Variants in PDE1C observed in about 807,000 individuals in gnomAD.
PDE1C encodes dual specificity calcium/calmodulin-dependent 3',5'-cyclic nucleotide phosphodiesterase 1C.
PDE1C carries 62 observed loss-of-function variants against 93.1 expected under a neutral mutation model. That is an observed-to-expected ratio of 0.67 (90% CI 0.54 to 0.82). PDE1C has a LOEUF of 0.82. PDE1C is among the 40% of genes least tolerant of loss of function. The pLI, the probability that PDE1C is intolerant of heterozygous loss-of-function variation, is 0.00. For synonymous variants in PDE1C, 325 were observed against 310.1 expected, an observed-to-expected ratio of 1.05 and a Z score of -0.50; for missense variants, 742 against 884.6, an observed-to-expected ratio of 0.84 and a Z score of 2.04.
At chr7:31,652,188 G>T in the PDE1C span, 6 of 754,554 alleles carry the variant, frequency 8.0e-6, no homozygotes, top group East Asian at 1.6e-4. Context: ...ATACAGAGAA[G>T]TACTTTGGTT....
chr7:31,976,975 C>T (rs1249728954), intron 2 of PDE1C, among the ~76,000 whole-genome samples: 1 of 152,164 alleles, frequency 6.6e-6, no homozygotes, highest in Non-Finnish European at 1.5e-5. Context: ...ACTTTCAGGA[C>T]CCATCCCAGA....
At chr7:31,831,479 C>CACAA (rs1790382665) in intron 11 of PDE1C, among the ~76,000 whole-genome samples, 1 of 123,862 alleles carries the variant, frequency 8.1e-6, no homozygotes, top group South Asian at 2.9e-4. Flanking sequence ...AGTAAAGGCA[C>CACAA]ACACACACAC....
intron 9 of PDE1C, among the ~76,000 whole-genome samples, chr7:31,840,562 G>GAAA (rs1308402350): frequency 6.6e-6 from 1 of 152,014 alleles, no homozygotes; most frequent in African/African-American, 2.4e-5. Flanking sequence ...TTTTCCTCTG[G>GAAA]AAGTCTTGCC....
the PDE1C span, chr7:31,651,966 A>ACGTGAGGC: frequency 6.2e-7 from 1 of 1,602,706 alleles, no homozygotes; most frequent in Non-Finnish European, 8.5e-7. Context: ...TGCAAACGTT[A>ACGTGAGGC]CGTGAGGCCC....
intron 2 of PDE1C, among the ~76,000 whole-genome samples, chr7:31,982,701 T>C (rs947396444): frequency 1.3e-5 from 2 of 152,016 alleles, no homozygotes; most frequent in East Asian, 1.9e-4. Context: ...ACTATAACAA[T>C]TGTAGAATCT....
the PDE1C span, among the ~76,000 whole-genome samples, chr7:31,668,407 A>C: frequency 1.8e-4 from 28 of 152,298 alleles, no homozygotes; most frequent in African/African-American, 6.7e-4. Context: ...ATAATCAAAG[A>C]GTAGAAATAA....
chr7:31,641,640 G>A, the PDE1C span, among the ~76,000 whole-genome samples: 1 of 152,154 alleles, frequency 6.6e-6, no homozygotes, highest in Non-Finnish European at 1.5e-5. Flanking sequence ...ACGTGACTTT[G>A]CCCTTTCTCT....
At chr7:31,798,046 C>T (rs905677524) in intron 16 of PDE1C, among the ~76,000 whole-genome samples, 1 of 151,686 alleles carries the variant, frequency 6.6e-6, no homozygotes, top group African/African-American at 2.4e-5. Flanking sequence ...GATCACAATT[C>T]ATCAACTAAG....
At chr7:31,872,583 C>T (rs569104252) in intron 6 of PDE1C, among the ~76,000 whole-genome samples, 1 of 152,172 alleles carries the variant, frequency 6.6e-6, no homozygotes, top group Admixed American at 6.5e-5. Flanking sequence ...AACCACATCT[C>T]CGGAGAAATC....
chr7:32,134,710 A>C (rs1039902795), intron 3 of PDE1C, among the ~76,000 whole-genome samples: 2 of 152,178 alleles, frequency 1.3e-5, no homozygotes, highest in Non-Finnish European at 1.5e-5. Context: ...TTGAACAATG[A>C]GAACACATGG....
chr7:31,731,288 A>G, the PDE1C span, among the ~76,000 whole-genome samples: 1 of 152,094 alleles, frequency 6.6e-6, no homozygotes, highest in African/African-American at 2.4e-5. Flanking sequence ...CTGAGGATCA[A>G]CTGGCCCGTT....
intron 6 of PDE1C, among the ~76,000 whole-genome samples, chr7:31,869,011 T>A (rs1795622357): frequency 6.6e-6 from 1 of 152,078 alleles, no homozygotes. Context: ...GAATTCCTTA[T>A]TACTTGACCA....
intron 2 of PDE1C, among the ~76,000 whole-genome samples, chr7:32,186,889 C>T (rs1803921499): frequency 6.6e-6 from 1 of 152,158 alleles, no homozygotes; most frequent in African/African-American, 2.4e-5. Flanking sequence ...AGCATTTTCA[C>T]ATCTTCATTG....
chr7:31,863,809 A>G (rs1371515363), intron 7 of PDE1C, among the ~76,000 whole-genome samples: 1 of 152,184 alleles, frequency 6.6e-6, no homozygotes. Context: ...AAAAATGAGG[A>G]AGTTTTCGCT....
chr7:32,207,615 G>C (rs1450742508), intron 2 of PDE1C, among the ~76,000 whole-genome samples: 2 of 143,364 alleles, frequency 1.4e-5, no homozygotes, highest in Non-Finnish European at 3.1e-5. Flanking sequence ...GAGCTTTTTC[G>C]TTCTCCTTTT....
chr7:32,070,111 C>T (rs540741428), intron 1 of PDE1C, among the ~76,000 whole-genome samples, 182 bp downstream of exon 1: 5 of 152,142 alleles, frequency 3.3e-5, no homozygotes, highest in Admixed American at 3.3e-4. Flanking sequence ...AGAAAGACAA[C>T]CCTCTCTGTG....
chr7:31,911,934 T>C lies in PDE1C; in HGVS notation c.129-31074A>G, dbSNP rs548335941. 1.8e-4 allele frequency among the ~76,000 whole-genome samples: 28 copies of C among 152,298 alleles called. No individual in the cohort carries two copies. In the South Asian group the frequency reaches 5.0e-3, roughly 27 times the overall value. On this transcript the variant is annotated intron_variant, in intron 2 of 17. Coordinates refer to ENST00000396191, the MANE Select transcript of PDE1C (RefSeq NM_001191057.4). ...ATTGAGTTCACTCTCCCATTGCCCA[T>C]TGGAGAATCACCACCCCATAGCTTT... is the stretch of plus-strand genomic sequence containing the variant.
intron 2 of PDE1C, among the ~76,000 whole-genome samples, chr7:31,966,914 G>C (rs1363426273): frequency 6.6e-6 from 1 of 151,942 alleles, no homozygotes; most frequent in Non-Finnish European, 1.5e-5. Context: ...AAACCAATGA[G>C]AACAAAGACA....
chr7:32,118,751 T>G (rs1254906131), intron 3 of PDE1C, among the ~76,000 whole-genome samples: 1 of 152,070 alleles, frequency 6.6e-6, no homozygotes, highest in African/African-American at 2.4e-5. Context: ...GAGGGCAGAG[T>G]CTTCATGACT....
Sources: allele counts gnomAD v4.1 joint callset (sites outside exome capture counted in the v4.1 genomes callset), GRCh38; gene constraint gnomAD v4.1.1; transcripts MANE v1.5; gene names NCBI Gene and HGNC (gene_info 2026-07-23, HGNC 2026-07-21).